The following TAPBP variants were observed in gnomAD, a reference collection of about 807,000 sequenced individuals.
The protein encoded by TAPBP is TAP binding protein.
Under a neutral mutation model 45.7 loss-of-function variants are expected in TAPBP, and 38 were observed. The observed-to-expected ratio is 0.83, with a 90% CI of 0.64 to 1.09. TAPBP has a LOEUF of 1.09. TAPBP is among the 50% of genes least tolerant of loss of function. The pLI is 0.00. For missense variants in TAPBP, 513 were observed against 587.3 expected, an observed-to-expected ratio of 0.87 and a Z score of 1.31; for synonymous variants, 226 against 254.8, an observed-to-expected ratio of 0.89 and a Z score of 1.08.
Position 33,305,212 on chromosome 6 carries a change from A to G in TAPBP, c.645T>C (p.His215=). 1 of 1,614,142 alleles carries G rather than the reference A, an allele frequency of 6.2e-7. No homozygotes were observed. The part of the protein sequence containing the change: ...EWRRQHLGKG[H]LLLAATPGLN... ...GCCCAGGAGTTGCAGCCAGGAGCAG[A>G]TGTCCCTTACCCAGGTGCTGGCGTC... is the stretch of plus-strand genomic sequence containing the variant. The change falls in exon 4 of 8, where the codon CAT becomes CAC. Residue 215 remains histidine (H), a synonymous_variant. Coordinates refer to ENST00000434618, the MANE Select transcript of TAPBP (RefSeq NM_003190.5). This position sits in a 1 kb window ranked among gnomAD's most constrained non-coding sequence, Gnocchi z 4.4.
At chr6:33,312,996 G>C in intron 3 of TAPBP, 1 of 451,586 alleles carries the variant, frequency 2.2e-6, no homozygotes, top group Non-Finnish European at 3.7e-6. Context: ...CCTACCCCCT[G>C]CCAAGCTGCA....
Position 33,313,120 on chromosome 6 carries a change from T to A in TAPBP, c.469+97A>T. The A allele has an allele frequency of 7.0e-7, 1 of 1,420,804 alleles. No individual in the cohort carries two copies. The highest frequency in any genetic ancestry group is 9.5e-7 in the Non-Finnish European group (1 of 1,051,974). 88.0% of individuals were successfully genotyped at this position (1,420,804 alleles called of 1,614,324 possible). A position where few individuals can be genotyped will look rare whatever the true frequency, so the allele number is the denominator to read the frequency against. On this transcript the variant is annotated intron_variant, in intron 3 of 7. Coordinates refer to ENST00000434618, the MANE Select transcript of TAPBP (RefSeq NM_003190.5). This position sits in a 1 kb window ranked among gnomAD's most constrained non-coding sequence, Gnocchi z 7.2. ...CAAAAAAAGGAAACTGAACCCCGAT[T>A]GGCGAAATGTCTTGCTCAAGTCCAT...
chr6:33,304,391 G>T lies in TAPBP; in HGVS notation c.1116C>A (p.Thr372=). The T allele has an allele frequency of 6.2e-7, 1 of 1,612,998 alleles. No individual in the cohort carries two copies. The highest frequency in any genetic ancestry group is 1.3e-5 in the African/African-American group (1 of 75,022). Residue 372 remains threonine (T), a synonymous_variant, in exon 5 of 8, where the codon ACC becomes ACA. Transcript: ENST00000434618. ...CATAGCGTGCCCCATGCTGCTCAGTGGTGACTGGGGGCGGCTGCAAGTGCC... is the reference window on the plus strand; with the variant it reads ...CATAGCGTGCCCCATGCTGCTCAGTTGTGACTGGGGGCGGCTGCAAGTGCC... The part of the protein sequence containing the change: ...LSGHLQPPPV[T]TEQHGARYAC...
At chr6:33,304,065 T>C in intron 6 of TAPBP, 63 bp downstream of exon 6, 1 of 1,611,180 alleles carries the variant, frequency 6.2e-7, no homozygotes, top group Non-Finnish European at 8.5e-7. Context: ...TGTCAGGCTC[T>C]TGGGAGTAGG....
rs146422093 is a variant in TAPBP, at chr6:33,305,152, G to A, written c.705C>T (p.Ala235=). ...CATCATCCCAAGCAGCAAATGCCACGGCCCCTTCTTGGGCTGCTGGCATCT... is the reference window on the plus strand; with the variant it reads ...CATCATCCCAAGCAGCAAATGCCACAGCCCCTTCTTGGGCTGCTGGCATCT... ...NGQMPAAQEG[A]VAFAAWDDDE... Residue 235 remains alanine (A), a synonymous_variant, in exon 4 of 8, where the codon GCC becomes GCT. Transcript: ENST00000434618. This position sits in a 1 kb window ranked among gnomAD's most constrained non-coding sequence, Gnocchi z 4.4. The A allele has an allele frequency of 8.1e-5, 131 of 1,614,180 alleles. No individual in the cohort carries two copies. The highest frequency in any genetic ancestry group is 1.6e-4 in the Middle Eastern group (1 of 6,062).
intron 3 of TAPBP, among the ~76,000 whole-genome samples, chr6:33,308,557 A>G (rs1000694617): frequency 6.6e-6 from 1 of 152,028 alleles, no homozygotes; most frequent in South Asian, 2.1e-4. Context: ...ATCATTGGTC[A>G]TCTCTTTGCT....
At chr6:33,306,784 G>A (rs1768994087) in intron 3 of TAPBP, among the ~76,000 whole-genome samples, 1 of 152,130 alleles carries the variant, frequency 6.6e-6, no homozygotes, top group Non-Finnish European at 1.5e-5. Context: ...TTTGAAACCA[G>A]CCTGACCAAC....
Position 33,303,990 on chromosome 6 carries a change from C to A in TAPBP, c.1301-1G>T. The stretch of plus-strand genomic sequence containing the variant: ...TCCTTGCAGGTGGACAGGTAGACAG[C>A]TGTGGGGAAAGATTGAGAAGGGATG... On this transcript the variant is annotated splice_acceptor_variant, in intron 6 of 7. Transcript: ENST00000434618. LOFTEE classifies it high-confidence loss of function. 6.2e-7 allele frequency: 1 copy of A among 1,613,768 alleles called. No individual in the cohort carries two copies. The highest frequency in any genetic ancestry group is 8.5e-7 in the Non-Finnish European group (1 of 1,179,960).
chr6:33,301,805 T>C (rs780500977), intron 7 of TAPBP, 34 bp from the exon 8 acceptor site: 10 of 1,614,044 alleles, frequency 6.2e-6, no homozygotes, highest in Non-Finnish European at 8.5e-6. Flanking sequence ...GAATTCAGGA[T>C]ATTAAAAGGC....
At chr6:33,306,978 C>CAAA (rs553964427) in intron 3 of TAPBP, among the ~76,000 whole-genome samples, 90 of 126,322 alleles carry the variant, frequency 7.1e-4, no homozygotes, top group East Asian at 5.8e-3. Flanking sequence ...AACCCCGTTT[C>CAAA]AAAAAAAAAA....
rs766215963 is a variant in TAPBP at position 33,301,738 on chromosome 6, C to T, written c.*22G>A. 3 of 1,612,040 alleles carry T rather than the reference C, an allele frequency of 1.9e-6. No homozygotes were observed. Among genetic ancestry groups the T allele is most frequent in the Admixed American group, 3.3e-5 (2 of 60,004 alleles). On this transcript the variant is annotated 3_prime_UTR_variant, in exon 8 of 8. Transcript: ENST00000434618. ...TTGGGCCAGAGATGATGGTGGCTTC[C>T]ACAGGATGGCAGTGAGTGCCCTCAC...
chr6:33,312,987 C>G, intron 3 of TAPBP: 1 of 458,252 alleles, frequency 2.2e-6, no homozygotes, highest in South Asian at 5.8e-5. Context: ...TGCTTTCCCC[C>G]TACCCCCTGC....
Position 33,305,152 on chromosome 6 carries a change from G to T in TAPBP, c.705C>A (p.Ala235=). The stretch of plus-strand genomic sequence containing the variant: ...CATCATCCCAAGCAGCAAATGCCAC[G>T]GCCCCTTCTTGGGCTGCTGGCATCT... ...NGQMPAAQEG[A]VAFAAWDDDE... Residue 235 remains alanine, a synonymous_variant, in exon 4 of 8, where the codon GCC becomes GCA. Coordinates refer to ENST00000434618, the MANE Select transcript of TAPBP (RefSeq NM_003190.5). The surrounding 1 kb of genome is among the most constrained non-coding windows in gnomAD (Gnocchi z 4.4). 1 of 1,614,180 alleles carries T rather than the reference G, an allele frequency of 6.2e-7. No homozygotes were observed. Among genetic ancestry groups the T allele is most frequent in the Non-Finnish European group, 8.5e-7 (1 of 1,180,040 alleles).
At chr6:33,307,741 A>G (rs1769072705) in intron 3 of TAPBP, among the ~76,000 whole-genome samples, 1 of 152,070 alleles carries the variant, frequency 6.6e-6, no homozygotes, top group Non-Finnish European at 1.5e-5. Context: ...CCTTGGGCAA[A>G]TTATTTAACT....
intron 4 of TAPBP, 128 bp from the exon 5 acceptor site, chr6:33,304,766 C>G: frequency 2.4e-6 from 3 of 1,261,474 alleles, no homozygotes; most frequent in Middle Eastern, 2.8e-4. Context: ...AAATAGGGAA[C>G]CCACTGTCTC....
chr6:33,313,007 G>GTTTT lies in TAPBP; in HGVS notation c.469+206_469+209dup. On this transcript the variant is annotated intron_variant, in intron 3 of 7. Coordinates refer to ENST00000434618, the MANE Select transcript of TAPBP (RefSeq NM_003190.5). The surrounding 1 kb of genome is among the most constrained non-coding windows in gnomAD (Gnocchi z 7.2). ...TCCCCCTACCCCCTGCCAAGCTGCA[G>GTTTT]TTTTTTTTTTGTTTTTTTTTTTTAA... 1.2e-5 allele frequency: 5 copies of GTTTT among 427,266 alleles called. No individual in the cohort carries two copies. Among genetic ancestry groups the GTTTT allele is most frequent in the East Asian group, 4.1e-5 (1 of 24,322 alleles). 26.5% of individuals were successfully genotyped at this position (427,266 alleles called of 1,614,324 possible).
chr6:33,311,789 G>A (rs1345281392), intron 3 of TAPBP, among the ~76,000 whole-genome samples: 1 of 152,136 alleles, frequency 6.6e-6, no homozygotes, highest in Non-Finnish European at 1.5e-5. Context: ...GATTATCCGT[G>A]GCAAATACGC....
Position 33,313,506 on chromosome 6 carries a change from TAG to T in TAPBP, c.209-31_209-30del, listed in dbSNP as rs1331099538. 3 of 1,527,462 alleles carry T rather than the reference TAG, an allele frequency of 2.0e-6. No individual in the cohort carries two copies. The highest frequency in any genetic ancestry group is 2.1e-5 in the Admixed American group (1 of 47,874). 94.6% of individuals were successfully genotyped at this position (1,527,462 alleles called of 1,614,324 possible). On this transcript the variant is annotated intron_variant, in intron 2 of 7. Transcript: ENST00000434618. The surrounding 1 kb of genome is among the most constrained non-coding windows in gnomAD (Gnocchi z 7.2). The stretch of plus-strand genomic sequence containing the variant: ...AGTGTAGAGAAGGAAGTTGCAGCTG[TAG>T]AGTCACCGCCGGGAAAGGGGCTGGA...
chr6:33,302,603 A>G (rs1768668492), intron 7 of TAPBP, among the ~76,000 whole-genome samples: 1 of 151,128 alleles, frequency 6.6e-6, no homozygotes, highest in Non-Finnish European at 1.5e-5. Flanking sequence ...CTAGGATTAC[A>G]GGCGTGAACC....
Sources: allele counts gnomAD v4.1 joint callset (sites outside exome capture counted in the v4.1 genomes callset), GRCh38; gene constraint gnomAD v4.1.1; non-coding constraint Gnocchi (gnomAD v3.1); transcripts MANE v1.5; gene names NCBI Gene and HGNC (gene_info 2026-07-23, HGNC 2026-07-21).